Variants in SGCZ observed in about 807,000 individuals in gnomAD.
SGCZ encodes the protein sarcoglycan zeta, also known as zeta-sarcoglycan.
In SGCZ, 40 loss-of-function variants were observed where a neutral mutation model predicts 41.3. That is an observed-to-expected ratio of 0.97 (90% CI 0.75 to 1.26). The LOEUF is 1.26. SGCZ is among the 50% of genes most tolerant of loss of function. The pLI is 0.00. For missense variants in SGCZ, 552 were observed against 369.8 expected, an observed-to-expected ratio of 1.49 and a Z score of -4.04; for synonymous variants, 206 against 137.5, an observed-to-expected ratio of 1.50 and a Z score of -3.49.
intron 2 of SGCZ, among the ~76,000 whole-genome samples, chr8:14,528,195 A>G (rs1243193509): frequency 6.6e-6 from 1 of 152,172 alleles, no homozygotes; most frequent in Non-Finnish European, 1.5e-5. Flanking sequence ...ATTATTTACT[A>G]CATACCGAAG....
At position 14,090,288 on chromosome 8, in the gene SGCZ, A is replaced by T. The variant is rs1801646815; in HGVS notation, c.*155T>A. 6 of 684,082 alleles carry T rather than the reference A, an allele frequency of 8.8e-6. 1 individual carries two copies. In the South Asian group the frequency reaches 1.6e-4, roughly 18 times the overall value. The allele number at this position is 684,082 out of a possible 1,614,324, so 42.4% of individuals were successfully genotyped here. A position where few individuals can be genotyped will look rare whatever the true frequency, so the allele number is the denominator to read the frequency against. On this transcript the variant is annotated 3_prime_UTR_variant, in exon 8 of 8. Transcript: ENST00000382080. ...TGTGTTGAGCAGTACAGTAAATCAC[A>T]AGAGAAGGTGGTGGCGAATCCCTGC...
At chr8:14,362,704 A>G (rs1009895300) in intron 2 of SGCZ, among the ~76,000 whole-genome samples, 2 of 152,028 alleles carry the variant, frequency 1.3e-5, no homozygotes, top group African/African-American at 4.8e-5. Flanking sequence ...GGCTGCACCC[A>G]CTCACCAACC....
intron 1 of SGCZ, among the ~76,000 whole-genome samples, chr8:15,094,008 A>T (rs1806243728): frequency 6.6e-6 from 1 of 152,212 alleles, no homozygotes. Flanking sequence ...TAGTGGGGGA[A>T]ACAGGAGAAA....
intron 1 of SGCZ, among the ~76,000 whole-genome samples, chr8:14,928,050 T>C (rs1425575484): frequency 6.6e-6 from 1 of 152,206 alleles, no homozygotes; most frequent in African/African-American, 2.4e-5. Context: ...CAGAGGCCTC[T>C]GCCTTTATGA....
chr8:14,895,224 T>C, intron 1 of SGCZ, among the ~76,000 whole-genome samples: 1 of 152,192 alleles, frequency 6.6e-6, no homozygotes, highest in Admixed American at 6.5e-5. Flanking sequence ...GGTGTGGTGG[T>C]TACTTGGGTT....
intron 2 of SGCZ, among the ~76,000 whole-genome samples, chr8:14,383,142 A>G (rs993677976): frequency 6.6e-6 from 1 of 152,352 alleles, no homozygotes; most frequent in South Asian, 2.1e-4. Context: ...TCTGCAGTAG[A>G]TATCAGAAGG....
At chr8:14,875,480 A>G (rs1347758707) in intron 1 of SGCZ, among the ~76,000 whole-genome samples, 1 of 152,160 alleles carries the variant, frequency 6.6e-6, no homozygotes, top group Admixed American at 6.6e-5. Flanking sequence ...TAAGGAAGGG[A>G]CAAGGTCTGA....
chr8:15,006,085 T>C (rs940369875), intron 1 of SGCZ, among the ~76,000 whole-genome samples: 4 of 152,198 alleles, frequency 2.6e-5, no homozygotes, highest in Non-Finnish European at 5.9e-5. Context: ...ACCTGTGATA[T>C]CACCATATAT....
rs953886111 is a variant in SGCZ, at chr8:14,300,205, T to A, written c.336+23898A>T. 2.6e-5 allele frequency among the ~76,000 whole-genome samples: 4 copies of A among 151,346 alleles called. No individual in the cohort carries two copies. In the East Asian group the frequency reaches 7.8e-4, roughly 29 times the overall value. On this transcript the variant is annotated intron_variant, in intron 3 of 7. Transcript: ENST00000382080. ...GTGTATTTCACTGCACATATATACA[T>A]ATTTTAATTAAAAAAGAACAAAATT...
chr8:14,676,683 C>T (rs943180943), intron 1 of SGCZ, among the ~76,000 whole-genome samples: 1 of 152,088 alleles, frequency 6.6e-6, no homozygotes, highest in Admixed American at 6.5e-5. Flanking sequence ...AAAGCATGAA[C>T]CTTAAGAAGG....
At chr8:14,711,212 A>T (rs375247221) in intron 1 of SGCZ, among the ~76,000 whole-genome samples, 1 of 152,158 alleles carries the variant, frequency 6.6e-6, no homozygotes, top group South Asian at 2.1e-4. Context: ...TACAAATGTA[A>T]CACAATTTGT....
chr8:14,843,841 T>A (rs1218639667), intron 1 of SGCZ, among the ~76,000 whole-genome samples: 1 of 151,904 alleles, frequency 6.6e-6, no homozygotes, highest in Non-Finnish European at 1.5e-5. Context: ...AAATCAATAT[T>A]ACTTGGGTTC....
intron 2 of SGCZ, among the ~76,000 whole-genome samples, chr8:14,423,878 T>A (rs1480407796): frequency 6.6e-5 from 10 of 152,144 alleles, no homozygotes; most frequent in Non-Finnish European, 1.5e-4. Flanking sequence ...TTTCCTTTTT[T>A]TCCTTCCTTC....
intron 4 of SGCZ, among the ~76,000 whole-genome samples, chr8:14,222,032 G>A (rs1198746252): frequency 1.3e-5 from 2 of 152,072 alleles, no homozygotes; most frequent in Non-Finnish European, 2.9e-5. Context: ...GCCAACAACA[G>A]AAGTACCCCC....
chr8:14,635,903 C>G (rs1448647330), intron 1 of SGCZ, among the ~76,000 whole-genome samples: 1 of 151,812 alleles, frequency 6.6e-6, no homozygotes, highest in Non-Finnish European at 1.5e-5. Flanking sequence ...TTTAAGAAAA[C>G]TGATCATTAT....
intron 1 of SGCZ, among the ~76,000 whole-genome samples, chr8:15,063,550 T>C (rs1196396924): frequency 6.6e-6 from 1 of 152,214 alleles, no homozygotes; most frequent in Non-Finnish European, 1.5e-5. Flanking sequence ...CACCAATGAT[T>C]TTTAAAAATC....
chr8:15,026,472 A>T (rs1803460697), intron 1 of SGCZ, among the ~76,000 whole-genome samples: 2 of 152,196 alleles, frequency 1.3e-5, no homozygotes, highest in African/African-American at 4.8e-5. Flanking sequence ...TACAGACAAA[A>T]AGTTTGCTCT....
intron 4 of SGCZ, among the ~76,000 whole-genome samples, chr8:14,223,316 A>C (rs62492337): frequency 0.24 from 36,286 of 152,076 alleles, 5,554 homozygotes; most frequent in Non-Finnish European, 0.34. Flanking sequence ...ATACTTTGGA[A>C]ACATTTCATC....
rs192217679 is a variant in SGCZ, at chr8:14,723,251, A to G, written c.40-168325T>C. Among the ~76,000 whole-genome samples, 225 of 152,294 alleles carry G rather than the reference A, an allele frequency of 1.5e-3. 1 individual carries two copies. Among genetic ancestry groups the G allele is most frequent in the Middle Eastern group, 6.8e-3 (2 of 294 alleles). On this transcript the variant is annotated intron_variant, in intron 1 of 7. Coordinates refer to ENST00000382080, the MANE Select transcript of SGCZ (RefSeq NM_139167.4). ...CAGAATGTGAATGGAGAAAGATGCA[A>G]ATATTGAACCTGAAGAAAAAGAAAG...
Sources: gnomAD v4.1 joint callset for allele counts (sites outside exome capture counted in the v4.1 genomes callset) on GRCh38, gnomAD v4.1.1 for gene constraint, MANE v1.5 for transcripts, NCBI Gene and HGNC (gene_info 2026-07-23, HGNC 2026-07-21) for gene names.